NR1H4: variants seen among roughly 807,000 people sequenced by gnomAD.
NR1H4 encodes the protein nuclear receptor subfamily 1 group H member 4, also known as bile acid receptor.
In NR1H4, 23 loss-of-function variants were observed where a neutral mutation model predicts 58.5. The ratio of observed to expected loss-of-function variants is 0.39; its 90% CI spans 0.28 to 0.56. The LOEUF (loss-of-function observed/expected upper bound fraction) is 0.56. Ranked by LOEUF, NR1H4 falls within the 20% of genes least tolerant of loss-of-function variation. The probability of loss-of-function intolerance (pLI) is 0.58; values close to 1 mark genes in which losing one functional copy is unlikely to be tolerated. For missense variants in NR1H4, 487 were observed against 576.9 expected (o/e 0.84, Z 1.60); for synonymous variants, 214 against 198.0 (o/e 1.08, Z -0.68).
chr12:100,562,720 A>AT (rs1023564833), intron 10 of NR1H4, among the ~76,000 whole-genome samples: 1 of 151,638 alleles, frequency 6.6e-6, no homozygotes, highest in Non-Finnish European at 1.5e-5. Flanking sequence ...CTCTTTCCAT[A>AT]TTTTTTTCTA....
At chr12:100,543,114 C>G (rs1954975714) in intron 9 of NR1H4, among the ~76,000 whole-genome samples, 1 of 152,008 alleles carries the variant, frequency 6.6e-6, no homozygotes, top group African/African-American at 2.4e-5. Flanking sequence ...TTTGGATATC[C>G]AGGGTGCAAG....
At chr12:100,560,325 C>G (rs907047366) in intron 9 of NR1H4, among the ~76,000 whole-genome samples, 34 of 152,196 alleles carry the variant, frequency 2.2e-4, no homozygotes, top group African/African-American at 7.7e-4. Flanking sequence ...ACTGTGGAGG[C>G]TTTGTTCTTT....
In NR1H4 at chr12:100,500,059, A is replaced by T. The variant is rs76089221; in HGVS notation, c.79+6657A>T. 8.7e-3 allele frequency: 3,623 copies of T among 415,162 alleles called. 68 individuals carry two copies. Among genetic ancestry groups the T allele is most frequent in the African/African-American group, 0.053 (2,586 of 48,534 alleles). 25.7% of individuals were successfully genotyped at this position (415,162 alleles called of 1,614,324 possible). A position where few individuals can be genotyped will look rare whatever the true frequency, so the allele number is the denominator to read the frequency against. ...ATTACTGTTCCCCTTTTATGGTGAG[A>T]AAAGGAATATTTAGTGATGTTAAAT... On this transcript the variant is annotated intron_variant, in intron 3 of 10. Transcript: ENST00000392986.
chr12:100,512,273 A>G (rs1954139772), intron 4 of NR1H4, among the ~76,000 whole-genome samples: 2 of 152,052 alleles, frequency 1.3e-5, no homozygotes, highest in South Asian at 4.1e-4. Flanking sequence ...CAGTTCTGTT[A>G]TGGATGCTAT....
intron 4 of NR1H4, among the ~76,000 whole-genome samples, chr12:100,526,895 C>G (rs1379766497): frequency 6.6e-6 from 1 of 152,114 alleles, no homozygotes; most frequent in East Asian, 1.9e-4. Flanking sequence ...AACAAAAATC[C>G]TATGTGAGAG....
intron 9 of NR1H4, among the ~76,000 whole-genome samples, chr12:100,553,750 G>C (rs749183329): frequency 2.6e-5 from 4 of 152,232 alleles, no homozygotes; most frequent in Non-Finnish European, 4.4e-5. Flanking sequence ...TATCCTTGGC[G>C]TATTGACCTT....
At chr12:100,531,317 G>A (rs3789981) in intron 4 of NR1H4, among the ~76,000 whole-genome samples, 19,806 of 152,004 alleles carry the variant, frequency 0.13, 1,846 homozygotes, top group Admixed American at 0.29. Context: ...TTAGTCGGCC[G>A]CGGTGGGCGG....
In NR1H4 at chr12:100,505,623, C is replaced by T. The variant is rs572515785; in HGVS notation, c.80-5155C>T. 5 of 701,486 alleles carry T rather than the reference C, an allele frequency of 7.1e-6. No homozygotes were observed. The African/African-American group carries it at 8.7e-5, about 12-fold the overall frequency. 43.5% of individuals were successfully genotyped at this position (701,486 alleles called of 1,614,324 possible). A position where few individuals can be genotyped will look rare whatever the true frequency, so the allele number is the denominator to read the frequency against. On this transcript the variant is annotated intron_variant, in intron 3 of 10. Transcript: ENST00000392986. ...CCATCCATGTGTTCTCATTTAAGAACTCGTCCCTAAACTTCCATGGAGAAC... is the reference window on the plus strand; with the variant it reads ...CCATCCATGTGTTCTCATTTAAGAATTCGTCCCTAAACTTCCATGGAGAAC...
intron 5 of NR1H4, among the ~76,000 whole-genome samples, chr12:100,534,427 A>G (rs756556770): frequency 4.6e-5 from 7 of 152,212 alleles, no homozygotes; most frequent in Non-Finnish European, 8.8e-5. Context: ...TACAGTATGT[A>G]AACATGGATG....
intron 3 of NR1H4, among the ~76,000 whole-genome samples, chr12:100,494,577 C>T (rs1318768046): frequency 6.6e-6 from 1 of 152,218 alleles, no homozygotes; most frequent in African/African-American, 2.4e-5. Context: ...TGCCAGTTCT[C>T]CCAAGTACTT....
chr12:100,512,589 C>T (rs541975447), intron 4 of NR1H4, among the ~76,000 whole-genome samples: 16 of 151,342 alleles, frequency 1.1e-4, no homozygotes, highest in African/African-American at 2.9e-4. Flanking sequence ...TGCAGTGAGC[C>T]GAGATCACGC....
chr12:100,477,047 A>G (rs939965473), intron 1 of NR1H4, among the ~76,000 whole-genome samples: 5 of 152,166 alleles, frequency 3.3e-5, no homozygotes, highest in African/African-American at 9.7e-5. Flanking sequence ...ATTATTACAT[A>G]CAAATATTCA....
intron 4 of NR1H4, among the ~76,000 whole-genome samples, chr12:100,513,798 CAGAA>C (rs988024070): frequency 6.9e-5 from 6 of 87,384 alleles, no homozygotes; most frequent in African/African-American, 2.4e-4. Context: ...CCGTCAAAGA[CAGAA>C]AGGAAGGAAG....
chr12:100,526,580 C>T (rs1235365509), intron 4 of NR1H4, among the ~76,000 whole-genome samples: 5 of 152,310 alleles, frequency 3.3e-5, no homozygotes, highest in East Asian at 3.9e-4. Flanking sequence ...CCTCCAGGAT[C>T]GTGCGCAAAC....
At chr12:100,539,396 A>G (rs928473724) in intron 8 of NR1H4, among the ~76,000 whole-genome samples, 2 of 152,166 alleles carry the variant, frequency 1.3e-5, no homozygotes, top group African/African-American at 4.8e-5. Context: ...TGTGCCAGGC[A>G]CTGTCCAAGG....
chr12:100,553,046 T>C (rs1955239585), intron 9 of NR1H4, among the ~76,000 whole-genome samples: 1 of 152,086 alleles, frequency 6.6e-6, no homozygotes, highest in East Asian at 1.9e-4. Context: ...TCACCCAGGC[T>C]AGAGTGCAGT....
intron 2 of NR1H4, 44 bp from the exon 3 acceptor site, chr12:100,493,226 C>G (rs1953641017): frequency 1.4e-6 from 1 of 722,736 alleles, no homozygotes; most frequent in Admixed American, 2.0e-5. Context: ...CTAACCAACC[C>G]TTCCCGCATT....
chr12:100,510,743 ACATT>A, intron 3 of NR1H4, 31 bp from the exon 4 acceptor site: 3 of 1,612,420 alleles, frequency 1.9e-6, no homozygotes, highest in African/African-American at 2.7e-5. Flanking sequence ...CAGAATGATG[ACATT>A]CATTCCAGTT....
intron 3 of NR1H4, among the ~76,000 whole-genome samples, chr12:100,496,851 T>C (rs529691680): frequency 5.5e-4 from 83 of 152,290 alleles, no homozygotes; most frequent in African/African-American, 1.8e-3. Flanking sequence ...GAGACAATAA[T>C]GACCTTTTCA....
Sources: allele counts gnomAD v4.1 joint callset (sites outside exome capture counted in the v4.1 genomes callset), GRCh38; gene constraint gnomAD v4.1.1; transcripts MANE v1.5; gene names NCBI Gene and HGNC (gene_info 2026-07-23, HGNC 2026-07-21).